Variants in CALN1 observed in about 807,000 individuals in gnomAD.
CALN1 encodes the protein calcium-binding protein 8.
In CALN1, 17 loss-of-function variants were observed where a neutral mutation model predicts 30.6. The ratio of observed to expected loss-of-function variants is 0.56; its 90% confidence interval spans 0.38 to 0.83. The LOEUF (loss-of-function observed/expected upper bound fraction) is 0.83. Among genes scored for constraint, CALN1 ranks in the 40% least tolerant of loss-of-function variants. The probability of loss-of-function intolerance (pLI) is 0.00; values close to 1 mark genes in which losing one functional copy is unlikely to be tolerated. For synonymous variants in CALN1, 156 were observed against 131.4 expected (o/e 1.19, Z -1.28); for missense variants, 291 against 354.9 (o/e 0.82, Z 1.45).
chr7:72,065,008 A>G (rs1803915925), intron 4 of CALN1, among the ~76,000 whole-genome samples: 1 of 151,002 alleles, frequency 6.6e-6, no homozygotes, highest in Admixed American at 6.6e-5. Flanking sequence ...TTTGTAAAAT[A>G]TATTAATATT....
chr7:72,337,322 G>A (rs1372701443), intron 2 of CALN1: 2 of 981,730 alleles, frequency 2.0e-6, no homozygotes, highest in Non-Finnish European at 2.4e-6. Context: ...GAGGGTCGGG[G>A]AGCCCCCACC....
intron 5 of CALN1, among the ~76,000 whole-genome samples, chr7:71,970,206 CAG>C (rs1797726894): frequency 6.6e-6 from 1 of 152,150 alleles, no homozygotes; most frequent in Non-Finnish European, 1.5e-5. Context: ...CGAGAAAAGA[CAG>C]AGTTTCTAGG....
At chr7:72,113,314 C>T (rs1807708315) in intron 3 of CALN1, among the ~76,000 whole-genome samples, 3 of 152,160 alleles carry the variant, frequency 2.0e-5, no homozygotes, top group South Asian at 2.1e-4. Context: ...TGCTTCCTCT[C>T]TTACCATGGG....
At chr7:71,833,165 T>C (rs1789392685) in intron 5 of CALN1, among the ~76,000 whole-genome samples, 1 of 152,192 alleles carries the variant, frequency 6.6e-6, no homozygotes, top group African/African-American at 2.4e-5. Context: ...TTGGATGTGT[T>C]TTCTCTTACA....
At chr7:71,957,314 T>G (rs1797009719) in intron 5 of CALN1, among the ~76,000 whole-genome samples, 1 of 152,120 alleles carries the variant, frequency 6.6e-6, no homozygotes, top group South Asian at 2.1e-4. Flanking sequence ...ACTGTAAGAA[T>G]TTATCATTAA....
chr7:72,077,981 T>A (rs1161317723), intron 4 of CALN1, among the ~76,000 whole-genome samples: 3 of 152,172 alleles, frequency 2.0e-5, no homozygotes, highest in Non-Finnish European at 2.9e-5. Context: ...TCTAGACAGT[T>A]TCCAAAATGA....
intron 2 of CALN1, among the ~76,000 whole-genome samples, chr7:72,398,669 CAT>C (rs1476479665): frequency 1.3e-5 from 2 of 152,218 alleles, no homozygotes; most frequent in Non-Finnish European, 2.9e-5. Flanking sequence ...CTCCCAATCT[CAT>C]AGTCTGGACA....
chr7:72,455,082 T>C, the CALN1 span, among the ~76,000 whole-genome samples: 1,645 of 152,180 alleles, frequency 0.011, 28 homozygotes, highest in African/African-American at 0.037. Flanking sequence ...CCGCACACCT[T>C]GGCCTCCCAA....
intron 5 of CALN1, among the ~76,000 whole-genome samples, chr7:71,863,828 T>C (rs1791440674): frequency 6.6e-6 from 1 of 152,172 alleles, no homozygotes; most frequent in African/African-American, 2.4e-5. Context: ...CCATCCTGAC[T>C]GATGATGCCT....
chr7:72,332,701 C>T (rs369086927), intron 2 of CALN1, among the ~76,000 whole-genome samples: 3 of 152,142 alleles, frequency 2.0e-5, no homozygotes, highest in East Asian at 3.9e-4. Context: ...TGTGAGTTTC[C>T]ATCAGTATTC....
chr7:72,248,495 A>ATC (rs1296629556), intron 3 of CALN1, among the ~76,000 whole-genome samples: 2 of 151,260 alleles, frequency 1.3e-5, no homozygotes, highest in Non-Finnish European at 3.0e-5. Context: ...CTTCCAGCCA[A>ATC]TCTCTCTCTC....
At chr7:72,176,768 T>C (rs1159680500) in intron 3 of CALN1, among the ~76,000 whole-genome samples, 1 of 152,190 alleles carries the variant, frequency 6.6e-6, no homozygotes, top group African/African-American at 2.4e-5. Context: ...AGAGTCTCCC[T>C]TTCCCAGACA....
intron 5 of CALN1, among the ~76,000 whole-genome samples, chr7:71,946,917 A>G (rs1419344322): frequency 2.6e-5 from 4 of 152,164 alleles, no homozygotes; most frequent in African/African-American, 9.7e-5. Flanking sequence ...TCCTGGGCTC[A>G]AGCAATCTTC....
chr7:71,818,676 ATTTATTTATTTATTTATTT>A (rs1788406567), intron 5 of CALN1, among the ~76,000 whole-genome samples: 2 of 3,476 alleles, frequency 5.8e-4, no homozygotes, highest in Non-Finnish European at 1.8e-3. Context: ...AGCTTATTTT[ATTTATTTATTTATTTATTT>A]ATTTATTTAT....
chr7:72,439,708 C>T (rs1454927360), intron 1 of CALN1, among the ~76,000 whole-genome samples: 1 of 151,882 alleles, frequency 6.6e-6, no homozygotes, highest in African/African-American at 2.4e-5. Flanking sequence ...TCCTGAGTAG[C>T]TGGGATGACA....
At chr7:72,000,577 G>A (rs1269371145) in intron 5 of CALN1, among the ~76,000 whole-genome samples, 1 of 151,844 alleles carries the variant, frequency 6.6e-6, no homozygotes, top group African/African-American at 2.4e-5. Context: ...TAGTTACATT[G>A]GAAAATTCTA....
intron 5 of CALN1, among the ~76,000 whole-genome samples, chr7:71,861,777 CAAAAAAAA>C (rs35793572): frequency 0.064 from 4,808 of 74,952 alleles, 126 homozygotes; most frequent in Middle Eastern, 0.16. Context: ...CAACTCTATC[CAAAAAAAA>C]AAAAAAAAAA....
chr7:72,394,854 C>T (rs1168903561), intron 2 of CALN1, among the ~76,000 whole-genome samples: 3 of 151,972 alleles, frequency 2.0e-5, no homozygotes, highest in Non-Finnish European at 2.9e-5. Flanking sequence ...GATGGACTCT[C>T]ACTAGATTGC....
intron 3 of CALN1, among the ~76,000 whole-genome samples, chr7:72,111,999 C>A (rs540973391): frequency 6.6e-6 from 1 of 152,102 alleles, no homozygotes; most frequent in Non-Finnish European, 1.5e-5. Context: ...GATCCACCCC[C>A]CTCTGCTTCC....
Sources: allele counts gnomAD v4.1 joint callset (sites outside exome capture counted in the v4.1 genomes callset), GRCh38; gene constraint gnomAD v4.1.1; transcripts MANE v1.5; gene names NCBI Gene and HGNC (gene_info 2026-07-23, HGNC 2026-07-21).